The following CHKA variants were observed in gnomAD, a reference collection of about 807,000 sequenced individuals.
CHKA encodes the protein choline kinase alpha.
CHKA carries 34 observed loss-of-function variants against 60.1 expected under a neutral mutation model. The observed-to-expected ratio is 0.57, with a 90% CI of 0.43 to 0.75. CHKA has a LOEUF of 0.75. Among genes scored for constraint, CHKA ranks in the 30% least tolerant of loss-of-function variants. The pLI is 0.00. For missense variants in CHKA, 563 were observed against 561.3 expected, an observed-to-expected ratio of 1.00 and a Z score of -0.03; for synonymous variants, 217 against 223.1, an observed-to-expected ratio of 0.97 and a Z score of 0.24.
At chr11:68,063,490 C>CT (rs1405439838) in intron 10 of CHKA, among the ~76,000 whole-genome samples, 10 of 120,900 alleles carry the variant, frequency 8.3e-5, no homozygotes, top group African/African-American at 3.3e-4. Context: ...AAGACTCCAT[C>CT]TCAAAAAAAA....
At chr11:68,116,217 C>T (rs894072666) in intron 1 of CHKA, among the ~76,000 whole-genome samples, 1 of 152,114 alleles carries the variant, frequency 6.6e-6, no homozygotes, top group Non-Finnish European at 1.5e-5. Flanking sequence ...AATCTTGTAT[C>T]CTTCACAAGA....
chr11:68,080,395 T>A (rs1473041285), intron 3 of CHKA, among the ~76,000 whole-genome samples: 1 of 152,178 alleles, frequency 6.6e-6, no homozygotes, highest in Non-Finnish European at 1.5e-5. Context: ...TCGCCCAGGC[T>A]GGAGTGCAGT....
intron 2 of CHKA, among the ~76,000 whole-genome samples, chr11:68,093,962 G>A (rs56408531): frequency 0.021 from 3,129 of 152,286 alleles, 101 homozygotes; most frequent in African/African-American, 0.071. Context: ...CACAGATGCA[G>A]AACCCTCCAT....
chr11:68,101,208 A>G (rs536321235), intron 1 of CHKA, among the ~76,000 whole-genome samples: 1 of 152,180 alleles, frequency 6.6e-6, no homozygotes, highest in Admixed American at 6.6e-5. Flanking sequence ...TCAGCCCCCC[A>G]AAGTGCTGGG....
At position 68,097,141 on chromosome 11, in the gene CHKA, T is replaced by TA. The variant is rs747032997; in HGVS notation, c.351-12dup. The TA allele has an allele frequency of 6.2e-7, 1 of 1,600,704 alleles. No homozygotes were observed. Among genetic ancestry groups the TA allele is most frequent in the Non-Finnish European group, 8.6e-7 (1 of 1,168,854 alleles). ...TTGCTAAGGCCGCCTCTGTCAGAAA[T>TA]AAGAGGACAGTAAGTATCTTTATTG... On this transcript the variant is annotated splice_polypyrimidine_tract_variant and intron_variant, in intron 1 of 11. Transcript: ENST00000265689.
intron 11 of CHKA, among the ~76,000 whole-genome samples, chr11:68,058,096 T>C (rs866074452): frequency 6.6e-6 from 1 of 152,146 alleles, no homozygotes; most frequent in African/African-American, 2.4e-5. Context: ...CTTGCTATGC[T>C]GCCCAGGCTG....
intron 6 of CHKA, among the ~76,000 whole-genome samples, chr11:68,069,868 T>TAA (rs1451980253): frequency 6.6e-6 from 1 of 152,056 alleles, no homozygotes; most frequent in East Asian, 1.9e-4. Context: ...AGCCTGCCCT[T>TAA]ACTCCCTTCT....
At chr11:68,105,917 C>T (rs1360774662) in intron 1 of CHKA, among the ~76,000 whole-genome samples, 1 of 152,030 alleles carries the variant, frequency 6.6e-6, no homozygotes, top group Non-Finnish European at 1.5e-5. Flanking sequence ...AGTTCCATGA[C>T]TATCATCTAA....
intron 2 of CHKA, 53 bp from the exon 3 acceptor site, chr11:68,081,510 A>G (rs1856987603): frequency 4.2e-6 from 6 of 1,435,192 alleles, no homozygotes; most frequent in Non-Finnish European, 5.9e-6. Context: ...CACTAAACAG[A>G]CACTAACTTT....
intron 6 of CHKA, among the ~76,000 whole-genome samples, chr11:68,069,262 AG>A (rs1856539696): frequency 6.6e-6 from 1 of 152,148 alleles, no homozygotes; most frequent in Non-Finnish European, 1.5e-5. Context: ...ATGCAGACTA[AG>A]GGCCTACTTT....
At chr11:68,108,518 G>A (rs1447743908) in intron 1 of CHKA, among the ~76,000 whole-genome samples, 2 of 152,250 alleles carry the variant, frequency 1.3e-5, no homozygotes, top group Non-Finnish European at 2.9e-5. Context: ...GCCAAGGCGG[G>A]AGGATCACGA....
chr11:68,063,410 G>A (rs1856321343), intron 10 of CHKA, among the ~76,000 whole-genome samples: 1 of 152,010 alleles, frequency 6.6e-6, no homozygotes, highest in East Asian at 1.9e-4. Flanking sequence ...TGAGGCAAGA[G>A]GCTTGCTAAG....
At chr11:68,071,525 G>A (rs1412340026) in intron 4 of CHKA, among the ~76,000 whole-genome samples, 1 of 152,238 alleles carries the variant, frequency 6.6e-6, no homozygotes, top group Non-Finnish European at 1.5e-5. Flanking sequence ...AGGCCCATGG[G>A]AGCTCACAAT....
At chr11:68,107,878 G>A (rs1461719789) in intron 1 of CHKA, among the ~76,000 whole-genome samples, 1 of 152,020 alleles carries the variant, frequency 6.6e-6, no homozygotes, top group Non-Finnish European at 1.5e-5. Flanking sequence ...GTCAATACTC[G>A]ACAAAAAGAG....
intron 3 of CHKA, 102 bp downstream of exon 3, chr11:68,081,302 T>A: frequency 1.1e-6 from 1 of 879,678 alleles, no homozygotes; most frequent in Non-Finnish European, 1.8e-6. Flanking sequence ...AGATCAGGAT[T>A]TTCCAAGGGT....
intron 11 of CHKA, among the ~76,000 whole-genome samples, chr11:68,059,211 T>C (rs915222477): frequency 6.6e-6 from 1 of 152,336 alleles, no homozygotes; most frequent in South Asian, 2.1e-4. Flanking sequence ...GGGTTTTTCA[T>C]ACATGCCTTT....
chr11:68,070,228 A>C lies in CHKA; in HGVS notation c.830T>G (p.Leu277Trp). 6.2e-7 allele frequency: 1 copy of C among 1,614,158 alleles called. No homozygotes were observed. The highest frequency in any genetic ancestry group is 1.1e-5 in the South Asian group (1 of 91,080). Residue 277 changes from leucine to tryptophan, a missense_variant, in exon 6 of 12, where the codon TTG (leucine) becomes TGG (tryptophan). Coordinates refer to ENST00000265689, the MANE Select transcript of CHKA (RefSeq NM_001277.3). ...TTCCAAGGGCAGATTGTAACTGAGC[A>C]ATTTGTGGAGCTTTTTAATTCTGGA... ...EESRIKKLHK[L>W]LSYNLPLELE...
At chr11:68,103,022 C>T (rs576753130) in intron 1 of CHKA, among the ~76,000 whole-genome samples, 1 of 151,518 alleles carries the variant, frequency 6.6e-6, no homozygotes, top group East Asian at 2.0e-4. Context: ...GCCTATATTC[C>T]CAGCTTGGGA....
At chr11:68,057,299 C>T (rs887896774) in intron 11 of CHKA, among the ~76,000 whole-genome samples, 7 of 152,242 alleles carry the variant, frequency 4.6e-5, no homozygotes, top group Non-Finnish European at 7.4e-5. Context: ...CCCAAGAAAT[C>T]TGTGCTTAGG....
Sources: allele counts gnomAD v4.1 joint callset (sites outside exome capture counted in the v4.1 genomes callset), GRCh38; gene constraint gnomAD v4.1.1; transcripts MANE v1.5; gene names NCBI Gene and HGNC (gene_info 2026-07-23, HGNC 2026-07-21).